The following OPRM1 variants were observed in gnomAD, a reference collection of about 807,000 sequenced individuals.
OPRM1 encodes opioid receptor mu 1, also known as mu-type opioid receptor.
A neutral mutation model predicts 31.8 loss-of-function variants in OPRM1; 27 were observed. The observed-to-expected ratio is 0.85, with a 90% CI of 0.63 to 1.17. The LOEUF (loss-of-function observed/expected upper bound fraction) is 1.17, where lower values mean the gene tolerates loss of function less well. OPRM1 is among the 50% of genes most tolerant of loss of function. The probability of loss-of-function intolerance (pLI) is 0.00; values close to 1 mark genes in which losing one functional copy is unlikely to be tolerated. For missense variants in OPRM1, 536 were observed against 511.1 expected (o/e 1.05, Z -0.47); for synonymous variants, 196 against 189.9 (o/e 1.03, Z -0.26).
At chr6:154,171,305 C>A (rs564292858) in intron 3 of OPRM1, among the ~76,000 whole-genome samples, 1 of 152,158 alleles carries the variant, frequency 6.6e-6, no homozygotes, top group South Asian at 2.1e-4. Flanking sequence ...ACTCAGTTGT[C>A]CACAATACTT....
intron 1 of OPRM1, among the ~76,000 whole-genome samples, chr6:154,019,747 CTTTT>C (rs373120574): frequency 2.5e-5 from 3 of 122,006 alleles, no homozygotes; most frequent in African/African-American, 3.4e-5. Context: ...CTTTTCTTTT[CTTTT>C]TTTTTTTTTT....
intron 3 of OPRM1, among the ~76,000 whole-genome samples, chr6:154,186,052 C>T (rs555346338): frequency 6.6e-6 from 1 of 152,348 alleles, no homozygotes; most frequent in South Asian, 2.1e-4. Flanking sequence ...TGACCTCTTC[C>T]TTCTCTGTGT....
chr6:154,170,485 A>G lies in OPRM1; in HGVS notation c.1165-76208A>G, dbSNP rs545755807. ...CTATCCATCCCAGAAAGTCACCAAT[A>G]CTCTTTCATAAAACAGAAAGCAAAG... On this transcript the variant is annotated intron_variant, in intron 3 of 3. Coordinates refer to the OPRM1 transcript ENST00000337049. Among the ~76,000 whole-genome samples the G allele has an allele frequency of 1.9e-4, 29 of 152,320 alleles. No homozygotes were observed. In the South Asian group the frequency reaches 5.8e-3, roughly 30 times the overall value.
chr6:154,097,586 C>T (rs1035391774), intron 3 of OPRM1, among the ~76,000 whole-genome samples: 28 of 149,726 alleles, frequency 1.9e-4, no homozygotes, highest in Admixed American at 1.5e-3. Context: ...AAAATGGTTC[C>T]GTGTGTGTGT....
intron 3 of OPRM1, among the ~76,000 whole-genome samples, chr6:154,188,772 G>T (rs1428090008): frequency 6.6e-6 from 1 of 152,200 alleles, no homozygotes; most frequent in East Asian, 1.9e-4. Flanking sequence ...GAGAAAAATG[G>T]CGTGTACAGA....
At position 154,232,969 on chromosome 6, in the gene OPRM1, C is replaced by CTT. The variant is rs780567029; in HGVS notation, c.1165-13709_1165-13708dup. On this transcript the variant is annotated intron_variant, in intron 3 of 3. Transcript: ENST00000337049. ...ATGTAAAATAAGCCTTTTTTCTTTT[C>CTT]TTTTTTTTTTTTTTTTGAGATGGAG... 7.3e-4 allele frequency among the ~76,000 whole-genome samples: 98 copies of CTT among 134,578 alleles called. 1 individual carries two copies. The South Asian group carries it at 9.5e-3, about 13-fold the overall frequency. The allele number at this position is 134,578 out of a possible 152,430, so 88.3% of individuals were successfully genotyped here.
chr6:154,164,738 G>T (rs1799293042), intron 3 of OPRM1, among the ~76,000 whole-genome samples: 1 of 152,192 alleles, frequency 6.6e-6, no homozygotes, highest in Admixed American at 6.5e-5. Flanking sequence ...TGTGACATAG[G>T]TCAGAGTAAC....
chr6:154,100,256 A>G (rs984108754), intron 3 of OPRM1, among the ~76,000 whole-genome samples: 2 of 148,794 alleles, frequency 1.3e-5, no homozygotes, highest in Admixed American at 6.8e-5. Context: ...GACATATATC[A>G]TAATATATAT....
At chr6:154,091,770 G>T in intron 3 of OPRM1, 1 of 1,089,294 alleles carries the variant, frequency 9.2e-7, no homozygotes. Flanking sequence ...GCACATTATA[G>T]AAATAATTCT....
intron 1 of OPRM1, among the ~76,000 whole-genome samples, chr6:154,064,320 A>G (rs1308321187): frequency 2.6e-5 from 4 of 152,044 alleles, no homozygotes; most frequent in African/African-American, 7.2e-5. Context: ...TCCTTTGTCT[A>G]TTTTTTAAAT....
chr6:154,090,129 A>G lies in OPRM1; in HGVS notation c.594A>G (p.Ser198=). 6.2e-7 allele frequency: 1 copy of G among 1,614,034 alleles called. No individual in the cohort carries two copies. Among genetic ancestry groups the G allele is most frequent in the Non-Finnish European group, 8.5e-7 (1 of 1,179,966 alleles). Residue 198 remains serine (S), a synonymous_variant, in exon 2 of 4, where the codon TCA becomes TCG. Coordinates refer to ENST00000330432, the MANE Select transcript of OPRM1 (RefSeq NM_000914.5). Reference sequence around the variant, plus strand: ...ATGTCTGCAACTGGATCCTCTCTTCAGCCATTGGTCTTCCTGTAATGTTCA... The same window carrying G: ...ATGTCTGCAACTGGATCCTCTCTTCGGCCATTGGTCTTCCTGTAATGTTCA... ...IINVCNWILS[S]AIGLPVMFMA...
intron 3 of OPRM1, among the ~76,000 whole-genome samples, chr6:154,100,162 TC>T (rs1206161450): frequency 3.4e-4 from 44 of 128,244 alleles, no homozygotes; most frequent in African/African-American, 8.4e-4. Context: ...TTATGACGTA[TC>T]ATAATATATA....
rs145191417 is a variant in OPRM1 at position 154,023,900 on chromosome 6, A to T, written c.-1+12882A>T. ...TCCCAGGGATAAATCCCACTTGGTC[A>T]TGATGAATTATCTTTTTAATATATT... On this transcript the variant is annotated intron_variant, in intron 1 of 5. Transcript: ENST00000434900. Among the ~76,000 whole-genome samples, 728 of 152,234 alleles carry T rather than the reference A, an allele frequency of 4.8e-3. 2 individuals are homozygous for T. Among genetic ancestry groups the T allele is most frequent in the African/African-American group, 0.016 (649 of 41,566 alleles).
At chr6:154,017,882 T>C (rs76985194) in intron 1 of OPRM1, among the ~76,000 whole-genome samples, 45,294 of 151,848 alleles carry the variant, frequency 0.3, 7,691 homozygotes, top group African/African-American at 0.47. Context: ...TGTTTCCTTT[T>C]CATCTACCCA....
In OPRM1 at chr6:154,168,302, C is replaced by G. The variant is rs1799597416; in HGVS notation, c.1164+76830C>G. Among the ~76,000 whole-genome samples, 1 of 152,160 alleles carries G rather than the reference C, an allele frequency of 6.6e-6. No individual in the cohort carries two copies. Among genetic ancestry groups the G allele is most frequent in the South Asian group, 2.1e-4 (1 of 4,836 alleles). ...TTTGCGATACTTTGTTACTGCAGAG[C>G]CACGTTCCCTGTGAAGGCACCAGGG... On this transcript the variant is annotated intron_variant, in intron 3 of 3. Coordinates refer to the OPRM1 transcript ENST00000337049. This position sits in a 1 kb window ranked among gnomAD's most constrained non-coding sequence, Gnocchi z 4.1.
chr6:154,232,303 G>C (rs751858159), intron 3 of OPRM1, among the ~76,000 whole-genome samples: 2 of 152,214 alleles, frequency 1.3e-5, no homozygotes, highest in Non-Finnish European at 2.9e-5. Context: ...CTAGATATCA[G>C]AAGCAGGCCT....
intron 3 of OPRM1, among the ~76,000 whole-genome samples, chr6:154,149,318 AACTC>A (rs947940002): frequency 1.3e-5 from 2 of 152,206 alleles, no homozygotes; most frequent in East Asian, 3.9e-4. Context: ...ATCTTGTGAG[AACTC>A]ACTCACTATC....
At chr6:154,162,848 C>A (rs994140179) in intron 3 of OPRM1, among the ~76,000 whole-genome samples, 4 of 152,170 alleles carry the variant, frequency 2.6e-5, no homozygotes, top group African/African-American at 9.7e-5. Context: ...CCACATCAAC[C>A]CCTAAGAGGC....
At position 154,026,100 on chromosome 6, in the gene OPRM1, C is replaced by T. The variant is rs552465340; in HGVS notation, c.1-13061C>T. On this transcript the variant is annotated intron_variant, in intron 1 of 5. Transcript: ENST00000434900. ...CTTTTCTTACTGATTGAAGTACTCC[C>T]TTTAGCATTTCTTGTAGGACAGGTC... Among the ~76,000 whole-genome samples the T allele has an allele frequency of 1.2e-4, 18 of 152,028 alleles. 1 individual carries two copies. Among genetic ancestry groups the T allele is most frequent in the Admixed American group, 5.9e-4 (9 of 15,262 alleles).
Sources: allele counts gnomAD v4.1 joint callset (sites outside exome capture counted in the v4.1 genomes callset), GRCh38; gene constraint gnomAD v4.1.1; non-coding constraint Gnocchi (gnomAD v3.1); transcripts MANE v1.5; gene names NCBI Gene and HGNC (gene_info 2026-07-23, HGNC 2026-07-21).